The following ACER1 variants were observed in gnomAD, a reference collection of about 807,000 sequenced individuals.
ACER1 encodes the protein CTB-180A7.3.
In ACER1, 28 loss-of-function variants were observed where a neutral mutation model predicts 24.9. The observed-to-expected ratio is 1.13, with a 90% confidence interval of 0.83 to 1.54. The LOEUF (loss-of-function observed/expected upper bound fraction) is 1.54, where lower values mean the gene tolerates loss of function less well. ACER1 is among the 40% of genes most tolerant of loss of function. The pLI is 0.00. For missense variants in ACER1, 352 were observed against 349.3 expected (o/e 1.01, Z -0.06); for synonymous variants, 132 against 131.4 (o/e 1.00, Z -0.03).
At chr19:6,337,653 C>CTTTTTTTT (rs2091719721), upstream of ACER1, among the ~76,000 whole-genome samples, 1 of 65,614 alleles carries the variant, frequency 1.5e-5, no homozygotes, top group African/African-American at 6.3e-5. Flanking sequence ...TCTTTTCTTT[C>CTTTTTTTT]TTTCTTTCTT....
At chr19:6,348,716 T>C in the ACER1 span, among the ~76,000 whole-genome samples, 2 of 151,492 alleles carry the variant, frequency 1.3e-5, no homozygotes, top group African/African-American at 4.9e-5. Flanking sequence ...TCCTGAGAAA[T>C]AATTTGGGGT....
At chr19:6,328,855 G>C (rs558222255) in intron 1 of ACER1, among the ~76,000 whole-genome samples, 63 of 148,908 alleles carry the variant, frequency 4.2e-4, no homozygotes, top group African/African-American at 1.5e-3. Flanking sequence ...TTGTAATTTT[G>C]ATAGAGATGG....
At chr19:6,352,501 G>C in the ACER1 span, among the ~76,000 whole-genome samples, 1 of 152,168 alleles carries the variant, frequency 6.6e-6, no homozygotes, top group African/African-American at 2.4e-5. Flanking sequence ...TCCTAGCTGA[G>C]CCCAGTGCAG....
At chr19:6,324,687 C>T (rs368619336) in intron 1 of ACER1, among the ~76,000 whole-genome samples, 66 of 151,600 alleles carry the variant, frequency 4.4e-4, no homozygotes, top group African/African-American at 1.5e-3. Context: ...ATTTCTTGAA[C>T]CCGGGAGGCA....
intron 1 of ACER1, among the ~76,000 whole-genome samples, chr19:6,322,800 G>T (rs1055431529): frequency 6.6e-6 from 1 of 152,084 alleles, no homozygotes; most frequent in East Asian, 1.9e-4. Context: ...AGTCTCATGA[G>T]ATCTCATGGT....
At chr19:6,323,433 A>G (rs1320265289) in intron 1 of ACER1, among the ~76,000 whole-genome samples, 1 of 151,828 alleles carries the variant, frequency 6.6e-6, no homozygotes, top group Non-Finnish European at 1.5e-5. Context: ...AAAAAAAAGA[A>G]AAAAAGAAAA....
chr19:6,314,836 T>C (rs1267502308), intron 1 of ACER1, among the ~76,000 whole-genome samples: 1 of 152,166 alleles, frequency 6.6e-6, no homozygotes. Flanking sequence ...ACCCAATGAT[T>C]GGATAAAGAA....
chr19:6,357,860 C>A, the ACER1 span, among the ~76,000 whole-genome samples: 1 of 151,976 alleles, frequency 6.6e-6, no homozygotes, highest in Non-Finnish European at 1.5e-5. Context: ...TACTGGAGCA[C>A]CTGTTAGGGA....
chr19:6,352,567 G>T, the ACER1 span, among the ~76,000 whole-genome samples: 2 of 152,154 alleles, frequency 1.3e-5, no homozygotes, highest in Non-Finnish European at 2.9e-5. Flanking sequence ...CTAAGTTTAG[G>T]GGCGGTTTGT....
intron 1 of ACER1, among the ~76,000 whole-genome samples, chr19:6,325,607 C>A (rs762718436): frequency 6.6e-6 from 1 of 152,196 alleles, no homozygotes; most frequent in African/African-American, 2.4e-5. Context: ...GAGCCAAGAT[C>A]GTGCCACTGC....
In ACER1 at chr19:6,333,536, C is replaced by T. The variant is rs751318501; in HGVS notation, c.16G>A (p.Ala6Thr). Residue 6 changes from alanine to threonine, a missense_variant, in exon 1 of 6, where the codon GCC becomes ACC. Transcript: ENST00000301452. Reference sequence around the variant, plus strand: ...CAGTCCACCTCGGAGCTCTGATAGGCGAAGATGCTAGGCATCTTGTCTCAG... The same window carrying T: ...CAGTCCACCTCGGAGCTCTGATAGGTGAAGATGCTAGGCATCTTGTCTCAG... The part of the protein sequence containing the change: MPSIF[A>T]YQSSEVDWCE... 4 of 1,585,080 alleles carry T rather than the reference C, an allele frequency of 2.5e-6. No homozygotes were observed. The highest frequency in any genetic ancestry group is 1.8e-5 in the Admixed American group (1 of 55,842).
chr19:6,328,496 CAAAAAAAAAAAAAAA>C (rs1013111916), intron 1 of ACER1, among the ~76,000 whole-genome samples: 9 of 41,240 alleles, frequency 2.2e-4, no homozygotes, highest in African/African-American at 5.9e-4. Flanking sequence ...GACTCCATCT[CAAAAAAAAAAAAAAA>C]AAAAAAAAAA....
chr19:6,327,393 G>A (rs1326813777), intron 1 of ACER1, among the ~76,000 whole-genome samples: 1 of 151,614 alleles, frequency 6.6e-6, no homozygotes, highest in Non-Finnish European at 1.5e-5. Context: ...GTGAAACCCC[G>A]TCTCTACTAA....
Position 6,306,576 on chromosome 19 carries a change from G to A in ACER1, c.*138C>T, listed in dbSNP as rs1000420085. On this transcript the variant is annotated 3_prime_UTR_variant, in exon 6 of 6. Coordinates refer to ENST00000301452, the MANE Select transcript of ACER1 (RefSeq NM_133492.3). The stretch of plus-strand genomic sequence containing the variant: ...ATCATCTGCCTCAAGGCAGGGCAGC[G>A]CAGGACAAGGAGGACACGGAAGGGG... The A allele has an allele frequency of 1.6e-5, 17 of 1,056,044 alleles. No individual in the cohort carries two copies. The highest frequency in any genetic ancestry group is 6.9e-5 in the South Asian group (4 of 58,130). 65.4% of individuals were successfully genotyped at this position (1,056,044 alleles called of 1,614,324 possible).
the ACER1 span, among the ~76,000 whole-genome samples, chr19:6,342,404 T>A: frequency 1.1e-4 from 16 of 150,800 alleles, no homozygotes; most frequent in East Asian, 4.0e-4. Flanking sequence ...TAAAAAAAAA[T>A]AATAATAATC....
rs866014822 is a variant in ACER1, at chr19:6,306,474, G to C, written c.*240C>G. Reference sequence around the variant, plus strand: ...CAGAGGAGGAAATGAAAGAGGATGGGGGGGGTCATGGAGGGGAGATGCACG... The same window carrying C: ...CAGAGGAGGAAATGAAAGAGGATGGCGGGGGTCATGGAGGGGAGATGCACG... On this transcript the variant is annotated 3_prime_UTR_variant, in exon 6 of 6. Coordinates refer to ENST00000301452, the MANE Select transcript of ACER1 (RefSeq NM_133492.3). 6.3e-6 allele frequency: 3 copies of C among 474,970 alleles called. No individual in the cohort carries two copies. The highest frequency in any genetic ancestry group is 3.3e-5 in the East Asian group (1 of 30,648). The allele number at this position is 474,970 out of a possible 1,614,324, so 29.4% of individuals were successfully genotyped here. A position where few individuals can be genotyped will look rare whatever the true frequency, so the allele number is the denominator to read the frequency against.
intron 3 of ACER1, among the ~76,000 whole-genome samples, chr19:6,310,146 A>C (rs1021314904): frequency 2.0e-5 from 3 of 151,718 alleles, no homozygotes; most frequent in Admixed American, 2.0e-4. Flanking sequence ...GGAGTGCAGC[A>C]GTGCGATCTG....
chr19:6,354,239 C>T, the ACER1 span, among the ~76,000 whole-genome samples: 2 of 151,702 alleles, frequency 1.3e-5, no homozygotes, highest in Non-Finnish European at 2.9e-5. Context: ...AATAGTGATT[C>T]TCAGCTGGGA....
intron 4 of ACER1, among the ~76,000 whole-genome samples, chr19:6,307,552 G>T (rs1403618491): frequency 6.6e-6 from 1 of 151,448 alleles, no homozygotes; most frequent in Non-Finnish European, 1.5e-5. Flanking sequence ...GGAGGCTGAG[G>T]TTGGGAGGAT....
Sources: gnomAD v4.1 joint callset for allele counts (sites outside exome capture counted in the v4.1 genomes callset) on GRCh38, gnomAD v4.1.1 for gene constraint, MANE v1.5 for transcripts, NCBI Gene and HGNC (gene_info 2026-07-23, HGNC 2026-07-21) for gene names.